The following LYST variants were observed in gnomAD, a reference collection of about 807,000 sequenced individuals.
The protein encoded by LYST is lysosomal trafficking regulator.
In LYST, 192 loss-of-function variants were observed where a neutral mutation model predicts 413.6. The observed-to-expected ratio is 0.46, with a 90% confidence interval of 0.41 to 0.52. The LOEUF (loss-of-function observed/expected upper bound fraction) is 0.52. Among genes scored for constraint, LYST ranks in the 20% least tolerant of loss-of-function variants. The probability of loss-of-function intolerance (pLI) is 0.00; values close to 1 mark genes in which losing one functional copy is unlikely to be tolerated. For missense variants in LYST, 3,815 were observed against 4,499.9 expected, an observed-to-expected ratio of 0.85 and a Z score of 4.35; for synonymous variants, 1,525 against 1,567.3, an observed-to-expected ratio of 0.97 and a Z score of 0.64.
At position 235,813,010 on chromosome 1, in the gene LYST, G is replaced by A. The variant is rs376821187; in HGVS notation, c.244C>T (p.Leu82=). The change falls in exon 4 of 53, where the codon CTG becomes TTG. Residue 82 remains leucine, a synonymous_variant. Coordinates refer to ENST00000389793, the MANE Select transcript of LYST (RefSeq NM_000081.4). ...LLTLLLSLLP[L]VWKIPVQEEK... is the part of the protein sequence containing the mutation. ...TCTTGGACAGGTATCTTCCATACCAGTGGAAGGAGAGACAGAAGAAGAGTC... is the reference window on the plus strand; with the variant it reads ...TCTTGGACAGGTATCTTCCATACCAATGGAAGGAGAGACAGAAGAAGAGTC... 1.5e-4 allele frequency: 245 copies of A among 1,612,018 alleles called. 2 individuals are homozygous for A. Among genetic ancestry groups the A allele is most frequent in the Non-Finnish European group, 1.9e-4 (224 of 1,178,430 alleles).
intron 10 of LYST, among the ~76,000 whole-genome samples, chr1:235,797,124 G>A (rs888117291): frequency 2.0e-5 from 3 of 151,996 alleles, no homozygotes; most frequent in Non-Finnish European, 4.4e-5. Flanking sequence ...TAAATGACTC[G>A]AGAAATGAAA....
Position 235,725,016 on chromosome 1 carries a change from G to C in LYST, c.9163-836C>G, listed in dbSNP as rs1258505222. Among the ~76,000 whole-genome samples, 6 of 152,220 alleles carry C rather than the reference G, an allele frequency of 3.9e-5. No homozygotes were observed. In the East Asian group the frequency reaches 1.2e-3, roughly 29 times the overall value. On this transcript the variant is annotated intron_variant, in intron 38 of 52. Transcript: ENST00000389793. ...TTGACGTAGGTTCACAGCAACTTGA[G>C]GACAGAAGATGAGGCCCTGGGCCCC...
In LYST at chr1:235,791,887, T is replaced by C; in HGVS notation, c.4355A>G (p.His1452Arg). ...CAACGGCAGGTGGACTGGGGCTATG[T>C]GCCAAGATGAAAGCAGCCGATGGGG... ...SFPHRLLSSW[H>R]IAPVHLPLLG... The change falls in exon 12 of 53, where the codon CAC (histidine) becomes CGC (arginine). Residue 1452 changes from histidine (H) to arginine (R), a missense_variant. Transcript: ENST00000389793. 1 of 1,614,196 alleles carries C rather than the reference T, an allele frequency of 6.2e-7. No homozygotes were observed. The highest frequency in any genetic ancestry group is 1.1e-5 in the South Asian group (1 of 91,088).
At chr1:235,708,547 G>A (rs369410070) in intron 44 of LYST, among the ~76,000 whole-genome samples, 14 of 152,250 alleles carry the variant, frequency 9.2e-5, no homozygotes, top group African/African-American at 3.4e-4. Flanking sequence ...AGTTTATACC[G>A]AACACCTGCT....
chr1:235,880,123 C>A (rs1444974004), intron 1 of LYST, among the ~76,000 whole-genome samples: 1 of 152,190 alleles, frequency 6.6e-6, no homozygotes, highest in African/African-American at 2.4e-5. Context: ...TAGCACTGTA[C>A]CTTTTATGTC....
chr1:235,665,004 G>C (rs1658311016), intron 50 of LYST, among the ~76,000 whole-genome samples: 2 of 152,056 alleles, frequency 1.3e-5, no homozygotes, highest in Admixed American at 1.3e-4. Context: ...ATGTTGGCTA[G>C]GCTAGTCTTG....
chr1:235,736,254 A>G (rs918995252), intron 31 of LYST: 1 of 152,136 alleles, frequency 6.6e-6, no homozygotes, highest in Non-Finnish European at 1.5e-5. Flanking sequence ...TCTGTTAAAC[A>G]TGAATCCTTA....
intron 45 of LYST, among the ~76,000 whole-genome samples, chr1:235,698,085 C>A (rs560065706): frequency 1.3e-5 from 2 of 152,242 alleles, no homozygotes; most frequent in East Asian, 3.9e-4. Flanking sequence ...TAGTTCTATT[C>A]TTTTTGTTCT....
chr1:235,697,028 A>C, intron 46 of LYST, 55 bp downstream of exon 46: 1 of 1,542,930 alleles, frequency 6.5e-7, no homozygotes, highest in Non-Finnish European at 8.9e-7. Flanking sequence ...AGCTAGAAAT[A>C]CTCAAATCTC....
rs188978101 is a variant in LYST at position 235,753,297 on chromosome 1, G to C, written c.7230-23C>G. The C allele has an allele frequency of 1.7e-4, 226 of 1,309,368 alleles. 2 individuals are homozygous for C. The African/African-American group carries it at 3.1e-3, about 18-fold the overall frequency. 81.1% of individuals were successfully genotyped at this position (1,309,368 alleles called of 1,614,324 possible). A position where few individuals can be genotyped will look rare whatever the true frequency, so the allele number is the denominator to read the frequency against. On this transcript the variant is annotated intron_variant, in intron 25 of 52. Coordinates refer to ENST00000389793, the MANE Select transcript of LYST (RefSeq NM_000081.4). ...AATCTATAATAAATAATACAGTTAA[G>C]AGCACATTAGAAACAATCACAAAAT...
At chr1:235,711,587 C>T (rs1214039399) in intron 43 of LYST, among the ~76,000 whole-genome samples, 1 of 152,132 alleles carries the variant, frequency 6.6e-6, no homozygotes, top group African/African-American at 2.4e-5. Context: ...TAGTTGGCAT[C>T]ACAGAAAATT....
chr1:235,807,218 C>A lies in LYST; in HGVS notation c.2364-446G>T, dbSNP rs532558397. Among the ~76,000 whole-genome samples, 6 of 152,262 alleles carry A rather than the reference C, an allele frequency of 3.9e-5. No homozygotes were observed. The South Asian group carries it at 1.2e-3, about 32-fold the overall frequency. ...AATTTTTGTTTACTTTAAATCTATACCTTATGAAGGGAAAGAATCACACTA... is the reference window on the plus strand; with the variant it reads ...AATTTTTGTTTACTTTAAATCTATAACTTATGAAGGGAAAGAATCACACTA... On this transcript the variant is annotated intron_variant, in intron 5 of 52. Coordinates refer to ENST00000389793, the MANE Select transcript of LYST (RefSeq NM_000081.4).
At position 235,773,877 on chromosome 1, in the gene LYST, G is replaced by A. The variant is rs200569079; in HGVS notation, c.5749C>T (p.Leu1917=). Residue 1917 remains leucine, a synonymous_variant, in exon 19 of 53, where the codon CTA becomes TTA. Coordinates refer to ENST00000389793, the MANE Select transcript of LYST (RefSeq NM_000081.4). ...CTCCATATCTTCCAGTCAAGCAATA[G>A]TTCCTCTAACAGCTTAACATCTTGG... The part of the protein sequence containing the change: ...IIQDVKLLEE[L]LLDWKIWSKA... 8.7e-6 allele frequency: 14 copies of A among 1,612,132 alleles called. No individual in the cohort carries two copies. The highest frequency in any genetic ancestry group is 1.7e-4 in the Middle Eastern group (1 of 6,052).
intron 31 of LYST, among the ~76,000 whole-genome samples, chr1:235,741,191 A>G (rs542774745): frequency 1.3e-5 from 2 of 152,334 alleles, no homozygotes; most frequent in South Asian, 4.1e-4. Flanking sequence ...AGAAACTCTG[A>G]AACAGAACTT....
In LYST at chr1:235,764,083, C is replaced by T. The variant is rs540478842; in HGVS notation, c.6122-1232G>A. Among the ~76,000 whole-genome samples, 4 of 152,286 alleles carry T rather than the reference C, an allele frequency of 2.6e-5. No individual in the cohort carries two copies. The South Asian group carries it at 6.2e-4, about 24-fold the overall frequency. ...TTACATTTCAGCAACACCACTTTCT[C>T]CTAGTTCCCTGTCAAGCTGTTTCCT... On this transcript the variant is annotated intron_variant, in intron 21 of 52. Transcript: ENST00000389793.
At chr1:235,857,093 G>C (rs1050563562) in intron 1 of LYST, among the ~76,000 whole-genome samples, 3 of 151,924 alleles carry the variant, frequency 2.0e-5, no homozygotes, top group Non-Finnish European at 4.4e-5. Context: ...TTACAGGTGT[G>C]CGTCACCACA....
intron 44 of LYST, among the ~76,000 whole-genome samples, chr1:235,705,229 G>A (rs1661884052): frequency 2.6e-5 from 4 of 152,056 alleles, no homozygotes; most frequent in South Asian, 2.1e-4. Flanking sequence ...GCACTTAATC[G>A]CCATACTTTG....
intron 42 of LYST, chr1:235,712,691 T>A (rs184650691): frequency 3.0e-6 from 3 of 985,278 alleles, no homozygotes; most frequent in African/African-American, 1.7e-5. Context: ...CTTTCTTTTT[T>A]TTCGGGGGGG....
At chr1:235,761,785 C>A (rs10926588) in intron 22 of LYST, among the ~76,000 whole-genome samples, 33,259 of 150,404 alleles carry the variant, frequency 0.22, 5,431 homozygotes, top group African/African-American at 0.47. Context: ...CAAAAAAAAA[C>A]CAGAAAGATG....
Sources: gnomAD v4.1 joint callset for allele counts (sites outside exome capture counted in the v4.1 genomes callset) on GRCh38, gnomAD v4.1.1 for gene constraint, MANE v1.5 for transcripts, NCBI Gene and HGNC (gene_info 2026-07-23, HGNC 2026-07-21) for gene names.